PKIB: variants seen among roughly 807,000 people sequenced by gnomAD.
The protein encoded by PKIB is cAMP-dependent protein kinase inhibitor beta.
PKIB carries 2 observed loss-of-function variants against 4.5 expected under a neutral mutation model. That is an observed-to-expected ratio of 0.44 (90% CI 0.18 to 1.39). The LOEUF is 1.39. Ranked by LOEUF, PKIB falls within the 40% of genes most tolerant of loss-of-function variation. The pLI is 0.27. For missense variants in PKIB, 94 were observed against 92.6 expected, an observed-to-expected ratio of 1.02 and a Z score of -0.06; for synonymous variants, 38 against 36.0, an observed-to-expected ratio of 1.06 and a Z score of -0.20.
At chr6:122,641,705 A>AT (rs1383029937) in intron 2 of PKIB, among the ~76,000 whole-genome samples, 1 of 151,906 alleles carries the variant, frequency 6.6e-6, no homozygotes, top group African/African-American at 2.4e-5. Context: ...TATTATTATT[A>AT]TTTTTTGAGA....
chr6:122,587,712 C>T (rs539585061), intron 3 of PKIB, among the ~76,000 whole-genome samples: 2,349 of 152,160 alleles, frequency 0.015, 22 homozygotes, highest in Non-Finnish European at 0.019. Flanking sequence ...TTTTAATGAT[C>T]GCCATTCTAA....
At chr6:122,625,386 G>T (rs959375538) in intron 1 of PKIB, among the ~76,000 whole-genome samples, 9 of 151,954 alleles carry the variant, frequency 5.9e-5, no homozygotes, top group Non-Finnish European at 1.0e-4. Flanking sequence ...CACAAAAGTG[G>T]GTCTGTGTTT....
intron 2 of PKIB, among the ~76,000 whole-genome samples, chr6:122,582,136 T>G (rs1773721494): frequency 6.6e-6 from 1 of 152,058 alleles, no homozygotes. Flanking sequence ...TTTGTCATCT[T>G]TATGGAACTA....
chr6:122,724,490 G>T (rs1779871640), intron 4 of PKIB, among the ~76,000 whole-genome samples: 1 of 152,144 alleles, frequency 6.6e-6, no homozygotes. Context: ...CAAGCGTACT[G>T]CATTTTCATT....
intron 2 of PKIB, among the ~76,000 whole-genome samples, chr6:122,657,587 T>C (rs1437919994): frequency 1.3e-5 from 2 of 152,354 alleles, no homozygotes; most frequent in Non-Finnish European, 1.5e-5. Flanking sequence ...TGCAGAAGTA[T>C]TGGGATTGTC....
chr6:122,553,481 CTTTTTT>C lies in PKIB; in HGVS notation c.-247-32423_-247-32418del, dbSNP rs533553939. On this transcript the variant is annotated intron_variant, in intron 2 of 6. Transcript: ENST00000392491. ...TCTCTCAAGATTGCTCAAATATCTT[CTTTTTT>C]TTTTTTTTTTTTTTTTCTGAAAAAG... 7.7e-4 allele frequency among the ~76,000 whole-genome samples: 51 copies of C among 65,818 alleles called. 1 individual carries two copies. The highest frequency in any genetic ancestry group is 0.014 in the Middle Eastern group (1 of 74). 43.2% of individuals were successfully genotyped at this position (65,818 alleles called of 152,430 possible). A position where few individuals can be genotyped will look rare whatever the true frequency, so the allele number is the denominator to read the frequency against.
At chr6:122,658,798 A>G (rs773199990) in intron 2 of PKIB, among the ~76,000 whole-genome samples, 26 of 119,954 alleles carry the variant, frequency 2.2e-4, no homozygotes, top group Non-Finnish European at 4.3e-4. Context: ...GGATCTTGGT[A>G]ATGTTAAATG....
In PKIB at chr6:122,670,498, T is replaced by TTTGTTG. The variant is rs61201088; in HGVS notation, c.-75-4556_-75-4551dup. Among the ~76,000 whole-genome samples, 1,227 of 151,216 alleles carry TTTGTTG rather than the reference T, an allele frequency of 8.1e-3. 12 individuals are homozygous for TTTGTTG. The highest frequency in any genetic ancestry group is 0.024 in the African/African-American group (982 of 41,194). ...TCTTTCTTATAAGGAATCACATGTT[T>TTTGTTG]TTGTTGTTGTTGTTGTTGTTGTTGT... On this transcript the variant is annotated intron_variant, in intron 2 of 4. Coordinates refer to ENST00000368452, the MANE Select transcript of PKIB (RefSeq NM_181795.3).
At chr6:122,710,329 C>T (rs367870748) in intron 3 of PKIB, among the ~76,000 whole-genome samples, 2 of 152,216 alleles carry the variant, frequency 1.3e-5, no homozygotes, top group African/African-American at 4.8e-5. Context: ...CACAGACGGC[C>T]GTGTTCCCTC....
At chr6:122,489,503 C>T (rs565255068) in intron 2 of PKIB, among the ~76,000 whole-genome samples, 186 of 152,306 alleles carry the variant, frequency 1.2e-3, no homozygotes, top group African/African-American at 4.2e-3. Flanking sequence ...CTGCCTCAGC[C>T]TCCCAAAGTG....
At chr6:122,538,391 A>G (rs1469035351) in intron 2 of PKIB, among the ~76,000 whole-genome samples, 3 of 152,092 alleles carry the variant, frequency 2.0e-5, no homozygotes, top group Admixed American at 1.3e-4. Context: ...TCAGCTTTCT[A>G]CATATGGCTA....
intron 2 of PKIB, among the ~76,000 whole-genome samples, chr6:122,572,641 A>T (rs1178286968): frequency 6.8e-6 from 1 of 147,024 alleles, no homozygotes; most frequent in Admixed American, 6.9e-5. Flanking sequence ...GCAGAACTAA[A>T]TGAAATTGAA....
intron 3 of PKIB, among the ~76,000 whole-genome samples, chr6:122,687,902 A>T (rs1026318358): frequency 2.0e-5 from 3 of 152,046 alleles, no homozygotes; most frequent in African/African-American, 4.8e-5. Flanking sequence ...TGCACACAAG[A>T]GTAATTTGAC....
At chr6:122,710,675 A>AG (rs1470076783) in intron 3 of PKIB, among the ~76,000 whole-genome samples, 3 of 152,158 alleles carry the variant, frequency 2.0e-5, no homozygotes, top group African/African-American at 7.2e-5. Context: ...CACGTGGTAA[A>AG]GGTGCTAGCA....
At chr6:122,712,748 G>T (rs1779324200) in intron 3 of PKIB, among the ~76,000 whole-genome samples, 1 of 152,152 alleles carries the variant, frequency 6.6e-6, no homozygotes, top group Non-Finnish European at 1.5e-5. Flanking sequence ...TAGGGTGAGT[G>T]ATATGTATCT....
intron 3 of PKIB, among the ~76,000 whole-genome samples, chr6:122,599,199 CAG>C (rs1057206256): frequency 1.6e-4 from 24 of 152,240 alleles, no homozygotes; most frequent in African/African-American, 3.9e-4. Flanking sequence ...TCTCCTCAGA[CAG>C]AGGTGGAAAG....
chr6:122,532,459 T>G (rs1777287129), intron 2 of PKIB, among the ~76,000 whole-genome samples: 1 of 152,190 alleles, frequency 6.6e-6, no homozygotes, highest in Non-Finnish European at 1.5e-5. Flanking sequence ...AACATTGTTG[T>G]GTAATCATCA....
intron 4 of PKIB, among the ~76,000 whole-genome samples, chr6:122,722,194 A>G (rs1485095781): frequency 2.0e-5 from 3 of 152,160 alleles, no homozygotes; most frequent in Non-Finnish European, 4.4e-5. Flanking sequence ...TTAACATCAC[A>G]ATACAAAGTT....
chr6:122,654,147 G>A (rs892838180), intron 2 of PKIB, among the ~76,000 whole-genome samples: 13 of 152,122 alleles, frequency 8.5e-5, no homozygotes, highest in Non-Finnish European at 1.8e-4. Flanking sequence ...TCTTTCTTAA[G>A]CCCTATCTTT....
Sources: allele counts gnomAD v4.1 joint callset (sites outside exome capture counted in the v4.1 genomes callset), GRCh38; gene constraint gnomAD v4.1.1; transcripts MANE v1.5; gene names NCBI Gene and HGNC (gene_info 2026-07-23, HGNC 2026-07-21).